HLTF: variants seen among roughly 807,000 people sequenced by gnomAD.
The protein encoded by HLTF is helicase like transcription factor.
A neutral mutation model predicts 129.4 loss-of-function variants in HLTF; 127 were observed. The ratio of observed to expected loss-of-function variants is 0.98; its 90% CI spans 0.85 to 1.14. HLTF has a LOEUF of 1.14. Ranked by LOEUF, HLTF falls within the 50% of genes most tolerant of loss-of-function variation. HLTF has a pLI of 0.00. For missense variants in HLTF, 1,139 were observed against 1,187.1 expected (o/e 0.96, Z 0.60); for synonymous variants, 332 against 388.8 (o/e 0.85, Z 1.72).
chr3:149,060,731 A>G, intron 11 of HLTF, 44 bp from the exon 12 acceptor site: 3 of 1,603,392 alleles, frequency 1.9e-6, no homozygotes, highest in Admixed American at 1.7e-5. Flanking sequence ...GCAAAACAGG[A>G]CATTAGAATA....
intron 1 of HLTF, among the ~76,000 whole-genome samples, chr3:149,085,803 G>T (rs1720320812): frequency 6.6e-6 from 1 of 152,214 alleles, no homozygotes; most frequent in South Asian, 2.1e-4. Context: ...AATGAAAAGT[G>T]AAGGGGAGTC....
Position 149,049,016 on chromosome 3 carries a change from T to G in HLTF, c.1618-15A>C, listed in dbSNP as rs1050335065. 4.5e-6 allele frequency: 7 copies of G among 1,552,800 alleles called. No individual in the cohort carries two copies. The African/African-American group carries it at 9.6e-5, about 21-fold the overall frequency. ...TCTCCTTTAGTCTGAAATAAATGTT[T>G]TATATGAATTAAAAAACACAGGAAA... On this transcript the variant is annotated splice_polypyrimidine_tract_variant and intron_variant, in intron 15 of 24. Coordinates refer to ENST00000310053, the MANE Select transcript of HLTF (RefSeq NM_003071.4).
At chr3:149,048,480 A>G (rs948040747) in intron 16 of HLTF, among the ~76,000 whole-genome samples, 15 of 152,236 alleles carry the variant, frequency 9.9e-5, no homozygotes, top group Admixed American at 9.8e-4. Flanking sequence ...AGAAGGAAAA[A>G]GCAACTAGTT....
rs1718213934 is a variant in HLTF at position 149,064,775 on chromosome 3, C to T, written c.1066+16G>A. On this transcript the variant is annotated intron_variant, in intron 9 of 24. Coordinates refer to ENST00000310053, the MANE Select transcript of HLTF (RefSeq NM_003071.4). ...TACCAGATCAAATATTGGATCATTT[C>T]AAAATTAGCATTTACCTTTGCTTAG... 4.8e-6 allele frequency: 7 copies of T among 1,463,972 alleles called. No individual in the cohort carries two copies. The highest frequency in any genetic ancestry group is 6.7e-6 in the Non-Finnish European group (7 of 1,046,408). 90.7% of individuals were successfully genotyped at this position (1,463,972 alleles called of 1,614,324 possible). A position where few individuals can be genotyped will look rare whatever the true frequency, so the allele number is the denominator to read the frequency against.
intron 14 of HLTF, chr3:149,052,210 GACTTTTGGTA>G (rs375819372): frequency 6.7e-6 from 1 of 149,370 alleles, no homozygotes; most frequent in African/African-American, 2.5e-5. Flanking sequence ...ACATGTGTCA[GACTTTTGGTA>G]ATTTTTGAAT....
chr3:149,066,314 G>A (rs1027663334), intron 8 of HLTF, among the ~76,000 whole-genome samples: 5 of 152,054 alleles, frequency 3.3e-5, no homozygotes, highest in Non-Finnish European at 5.9e-5. Flanking sequence ...CCAAAGTGCT[G>A]GGATTACAGG....
chr3:149,074,450 T>C (rs1251198544), intron 3 of HLTF, 102 bp from the exon 4 acceptor site: 5 of 1,146,460 alleles, frequency 4.4e-6, no homozygotes, highest in Admixed American at 2.5e-5. Flanking sequence ...ACATTTTACA[T>C]TGAAGTAAAG....
chr3:149,042,652 G>A (rs1357279629), intron 18 of HLTF, among the ~76,000 whole-genome samples: 1 of 152,012 alleles, frequency 6.6e-6, no homozygotes, highest in Non-Finnish European at 1.5e-5. Flanking sequence ...GGTGACTTGA[G>A]CTTCCATGGA....
intron 6 of HLTF, 68 bp downstream of exon 6, chr3:149,071,515 C>A (rs1396041746): frequency 4.0e-6 from 6 of 1,484,608 alleles, no homozygotes; most frequent in Non-Finnish European, 5.6e-6. Context: ...TGTGATTAAA[C>A]AAAAAGTAGA....
At chr3:149,053,089 A>C (rs994977437) in intron 14 of HLTF, among the ~76,000 whole-genome samples, 3 of 152,222 alleles carry the variant, frequency 2.0e-5, no homozygotes, top group African/African-American at 7.2e-5. Context: ...AAGACAAAAA[A>C]GGGAATATAA....
chr3:149,038,422 C>T (rs140070856), intron 23 of HLTF, among the ~76,000 whole-genome samples: 65 of 152,262 alleles, frequency 4.3e-4, no homozygotes, highest in African/African-American at 1.5e-3. Flanking sequence ...CTGGTTTTGC[C>T]TATTACTAAC....
In HLTF at chr3:149,046,205, T is replaced by C. The variant is rs1348863065; in HGVS notation, c.1947A>G (p.Lys649=). ...ACTCCAAAACAGGTTTTCCTTTAAT[T>C]TTGCTTGTCTTTGTTCTTCTAAGTG... is the stretch of plus-strand genomic sequence containing the variant. ...NITLRRTKTS[K]IKGKPVLELP... is the part of the protein sequence containing the mutation. The change falls in exon 18 of 25, where the codon AAA becomes AAG. Residue 649 remains lysine, a synonymous_variant. Coordinates refer to ENST00000310053, the MANE Select transcript of HLTF (RefSeq NM_003071.4). 1.2e-6 allele frequency: 2 copies of C among 1,605,156 alleles called. No homozygotes were observed. The highest frequency in any genetic ancestry group is 2.7e-5 in the African/African-American group (2 of 74,688).
At position 149,073,285 on chromosome 3, in the gene HLTF, T is replaced by C. The variant is rs757567941; in HGVS notation, c.567A>G (p.Gly189=). 6.2e-7 allele frequency: 1 copy of C among 1,613,206 alleles called. No homozygotes were observed. The highest frequency in any genetic ancestry group is 1.1e-5 in the South Asian group (1 of 90,878). The change falls in exon 5 of 25, where the codon GGA becomes GGG. Residue 189 remains glycine (G), a synonymous_variant. Transcript: ENST00000310053. ...GFNLESGWGS[G]RAGPSYSMPV... is the part of the protein sequence containing the mutation. ...GCATACTATAGCTTGGTCCAGCTCT[T>C]CCAGAGCCCCAACCACTTTCCAAAT...
intron 7 of HLTF, among the ~76,000 whole-genome samples, chr3:149,069,861 C>G (rs1171736227): frequency 6.6e-6 from 1 of 152,176 alleles, no homozygotes; most frequent in Non-Finnish European, 1.5e-5. Flanking sequence ...TTGTGTGTGA[C>G]ACTATGAACA....
Position 149,030,190 on chromosome 3 carries a change from A to G in HLTF, c.*2030T>C, listed in dbSNP as rs1714882788. The G allele has an allele frequency of 6.6e-6, 1 of 152,228 alleles. No individual in the cohort carries two copies. The highest frequency in any genetic ancestry group is 2.4e-5 in the African/African-American group (1 of 41,470). The allele number at this position is 152,228 out of a possible 1,614,324, so 9.4% of individuals were successfully genotyped here. On this transcript the variant is annotated 3_prime_UTR_variant, in exon 25 of 25. Transcript: ENST00000310053. Reference sequence around the variant, plus strand: ...CAGTTTTAACCACAAAATTGTTTGAATCACAAGTGGTAATACAATGTCTTC... The same window carrying G: ...CAGTTTTAACCACAAAATTGTTTGAGTCACAAGTGGTAATACAATGTCTTC...
Position 149,032,026 on chromosome 3 carries a change from TTATTGCTATTTG to T in HLTF, c.*182_*193del. 2.5e-6 allele frequency: 1 copy of T among 404,086 alleles called. No homozygotes were observed. The highest frequency in any genetic ancestry group is 4.3e-6 in the Non-Finnish European group (1 of 230,888). The allele number at this position is 404,086 out of a possible 1,614,324, so 25.0% of individuals were successfully genotyped here. A position where few individuals can be genotyped will look rare whatever the true frequency, so the allele number is the denominator to read the frequency against. ...TTCAGGCCACAGTATATAACGGAAC[TTATTGCTATTTG>T]AAGTTTCATTAAAAATAGGTTCATA... On this transcript the variant is annotated 3_prime_UTR_variant, in exon 25 of 25. Transcript: ENST00000310053.
intron 7 of HLTF, among the ~76,000 whole-genome samples, chr3:149,070,316 AAGC>A (rs1430386494): frequency 1.3e-5 from 2 of 152,248 alleles, no homozygotes; most frequent in Non-Finnish European, 2.9e-5. Flanking sequence ...CTGAATGAAG[AAGC>A]AGGTGAGAAT....
chr3:149,048,199 C>T, intron 16 of HLTF, 36 bp from the exon 17 acceptor site: 3 of 1,551,742 alleles, frequency 1.9e-6, no homozygotes, highest in Non-Finnish European at 1.7e-6. Flanking sequence ...ACTCTTTAAC[C>T]AGAGTATCCA....
chr3:149,049,587 G>T (rs1209199760), intron 15 of HLTF, among the ~76,000 whole-genome samples: 1 of 152,136 alleles, frequency 6.6e-6, no homozygotes, highest in African/African-American at 2.4e-5. Flanking sequence ...TCAAATCATT[G>T]TGATAGAAAA....
Sources: gnomAD v4.1 joint callset for allele counts (sites outside exome capture counted in the v4.1 genomes callset) on GRCh38, gnomAD v4.1.1 for gene constraint, MANE v1.5 for transcripts, NCBI Gene and HGNC (gene_info 2026-07-23, HGNC 2026-07-21) for gene names.